Variants in PPM1H observed in about 807,000 individuals in gnomAD.
PPM1H encodes protein phosphatase, Mg2+/Mn2+ dependent 1H, also known as protein phosphatase 1H.
In PPM1H, 27 loss-of-function variants were observed where a neutral mutation model predicts 54.9. The observed-to-expected ratio is 0.49, with a 90% CI of 0.36 to 0.68. The LOEUF is 0.68. Among genes scored for constraint, PPM1H ranks in the 30% least tolerant of loss-of-function variants. The pLI, the probability that PPM1H is intolerant of heterozygous loss-of-function variation, is 0.00. For synonymous variants in PPM1H, 305 were observed against 270.8 expected (o/e 1.13, Z -1.24); for missense variants, 596 against 667.8 (o/e 0.89, Z 1.19).
At chr12:62,819,477 A>G (rs1473271726) in intron 2 of PPM1H, among the ~76,000 whole-genome samples, 1 of 152,192 alleles carries the variant, frequency 6.6e-6, no homozygotes, top group East Asian at 1.9e-4. Flanking sequence ...TTTCTGTATT[A>G]TAAGTTATAT....
chr12:62,697,315 A>G (rs2076120286), intron 6 of PPM1H, among the ~76,000 whole-genome samples: 1 of 151,982 alleles, frequency 6.6e-6, no homozygotes, highest in South Asian at 2.1e-4. Context: ...ATACGGTTTC[A>G]CCATGTTGAC....
intron 1 of PPM1H, among the ~76,000 whole-genome samples, chr12:62,859,178 C>T (rs1033536138): frequency 6.6e-5 from 10 of 152,132 alleles, no homozygotes; most frequent in Non-Finnish European, 1.0e-4. Flanking sequence ...CTTAAGGTGG[C>T]TGTATTAGGA....
intron 1 of PPM1H, among the ~76,000 whole-genome samples, chr12:62,906,606 A>C (rs1666900): frequency 0.33 from 50,117 of 152,140 alleles, 9,929 homozygotes; most frequent in Non-Finnish European, 0.46. Flanking sequence ...TGGGTCACCA[A>C]CATGATGTCC....
intron 9 of PPM1H, among the ~76,000 whole-genome samples, chr12:62,663,882 T>G (rs908520526): frequency 2.6e-5 from 4 of 151,802 alleles, no homozygotes; most frequent in Non-Finnish European, 4.4e-5. Context: ...TCCCAGCTAC[T>G]AGGGAGGCTG....
intron 1 of PPM1H, among the ~76,000 whole-genome samples, chr12:62,879,689 C>G (rs1008933519): frequency 3.3e-5 from 5 of 151,766 alleles, no homozygotes; most frequent in Non-Finnish European, 7.4e-5. Flanking sequence ...TGCAGCAAAC[C>G]GACATGGCAC....
At chr12:62,791,525 A>T (rs2120715015) in intron 3 of PPM1H, among the ~76,000 whole-genome samples, 1 of 152,306 alleles carries the variant, frequency 6.6e-6, no homozygotes, top group South Asian at 2.1e-4. Context: ...TCTGCATCCA[A>T]TACATCAAAA....
chr12:62,918,380 A>G (rs1027065644), intron 1 of PPM1H, among the ~76,000 whole-genome samples: 1 of 152,254 alleles, frequency 6.6e-6, no homozygotes, highest in African/African-American at 2.4e-5. Context: ...TGAAGCATAC[A>G]GTAAATGCAT....
intron 2 of PPM1H, among the ~76,000 whole-genome samples, chr12:62,803,849 T>C (rs2076787415): frequency 6.6e-6 from 1 of 152,122 alleles, no homozygotes; most frequent in African/African-American, 2.4e-5. Flanking sequence ...CTCCTACAAT[T>C]CTATTGCAAA....
chr12:62,765,520 T>G (rs2076537110), intron 4 of PPM1H, among the ~76,000 whole-genome samples: 1 of 152,160 alleles, frequency 6.6e-6, no homozygotes, highest in Non-Finnish European at 1.5e-5. Flanking sequence ...ACATAATCAA[T>G]TTTTCAACAC....
chr12:62,814,122 CA>C (rs2076851814), intron 2 of PPM1H, among the ~76,000 whole-genome samples: 1 of 152,130 alleles, frequency 6.6e-6, no homozygotes, highest in Non-Finnish European at 1.5e-5. Flanking sequence ...CTCTGTCACC[CA>C]AGCTGGAGTG....
intron 1 of PPM1H, among the ~76,000 whole-genome samples, chr12:62,933,361 C>A (rs541516855): frequency 1.3e-5 from 2 of 152,214 alleles, no homozygotes; most frequent in East Asian, 3.9e-4. Context: ...CCCGGGGTAT[C>A]CGGGCCACCA....
chr12:62,934,642 C>A lies in PPM1H; in HGVS notation c.95G>T (p.Gly32Val). The change falls in exon 1 of 10, where the codon GGC (glycine) becomes GTC (valine). Residue 32 changes from glycine (G) to valine (V), a missense_variant. Transcript: ENST00000228705. This position sits in a 1 kb window ranked among gnomAD's most constrained non-coding sequence, Gnocchi z 4.2. Reference protein sequence around the residue: ...GSEHGGGSCGGSDLPLRFPYG... With the variant: ...GSEHGGGSCGVSDLPLRFPYG... ...GGGGAAACGCAGGGGCAGGTCCGAG[C>A]CTCCGCAGCTGCCGCCGCCGTGCTC... 1 of 1,594,470 alleles carries A rather than the reference C, an allele frequency of 6.3e-7. No homozygotes were observed. The highest frequency in any genetic ancestry group is 2.3e-5 in the East Asian group (1 of 43,646).
chr12:62,714,013 T>C (rs1304743136), intron 6 of PPM1H, among the ~76,000 whole-genome samples: 1 of 151,878 alleles, frequency 6.6e-6, no homozygotes, highest in Non-Finnish European at 1.5e-5. Flanking sequence ...CTCTTTGCTG[T>C]TGGGATGCTG....
chr12:62,658,212 T>TTTTC (rs768288538), intron 9 of PPM1H, among the ~76,000 whole-genome samples: 2,721 of 130,354 alleles, frequency 0.021, 82 homozygotes, highest in South Asian at 0.057. Flanking sequence ...TTTTTTTTTT[T>TTTTC]AAGTAAAAAA....
At chr12:62,852,090 G>A (rs375915042) in intron 1 of PPM1H, among the ~76,000 whole-genome samples, 8 of 151,780 alleles carry the variant, frequency 5.3e-5, no homozygotes, top group Middle Eastern at 3.4e-3. Context: ...TTAGCTGGGC[G>A]TGGTGGCGGG....
At chr12:62,802,703 T>C (rs1419954902) in intron 2 of PPM1H, among the ~76,000 whole-genome samples, 4 of 151,834 alleles carry the variant, frequency 2.6e-5, no homozygotes, top group Non-Finnish European at 5.9e-5. Flanking sequence ...CCTCAGCCTC[T>C]GGAGTAGCTG....
chr12:62,839,123 A>T (rs900589035), intron 1 of PPM1H, among the ~76,000 whole-genome samples: 8 of 151,872 alleles, frequency 5.3e-5, no homozygotes, highest in Non-Finnish European at 5.9e-5. Flanking sequence ...ACATCTCATG[A>T]CTTGTGTGGT....
intron 6 of PPM1H, among the ~76,000 whole-genome samples, chr12:62,703,346 G>A (rs903879738): frequency 4.0e-5 from 6 of 151,704 alleles, no homozygotes; most frequent in African/African-American, 4.8e-5. Flanking sequence ...AGGTATAGCT[G>A]GGTTAGATTG....
intron 5 of PPM1H, among the ~76,000 whole-genome samples, chr12:62,733,739 T>C (rs2076336076): frequency 6.6e-6 from 1 of 152,152 alleles, no homozygotes; most frequent in Non-Finnish European, 1.5e-5. Context: ...AGTAACCCAT[T>C]TGATTTAGGA....
Sources: gnomAD v4.1 joint callset for allele counts (sites outside exome capture counted in the v4.1 genomes callset) on GRCh38, gnomAD v4.1.1 for gene constraint, Gnocchi (gnomAD v3.1) non-coding constraint, MANE v1.5 for transcripts, NCBI Gene and HGNC (gene_info 2026-07-23, HGNC 2026-07-21) for gene names.